The following CACNA1C variants were observed in gnomAD, a reference collection of about 807,000 sequenced individuals.
CACNA1C encodes voltage-dependent L-type calcium channel subunit alpha-1C.
In CACNA1C, 30 loss-of-function variants were observed where a neutral mutation model predicts 229.0. The observed-to-expected ratio is 0.13, with a 90% confidence interval of 0.10 to 0.18. The LOEUF is 0.18. Among genes scored for constraint, CACNA1C ranks in the 10% least tolerant of loss-of-function variants. The pLI is 1.00. For synonymous variants in CACNA1C, 1,114 were observed against 1,132.5 expected (o/e 0.98, Z 0.33); for missense variants, 1,658 against 2,845.0 (o/e 0.58, Z 9.49).
chr12:2,420,102 G>GTGTGTGTGTGTGTGT (rs1447860516), intron 3 of CACNA1C, among the ~76,000 whole-genome samples: 2 of 125,430 alleles, frequency 1.6e-5, no homozygotes, highest in East Asian at 4.6e-4. Flanking sequence ...TAGGCAAAAT[G>GTGTGTGTGTGTGTGT]GTGTGTGTGT....
At chr12:2,519,247 A>T (rs1053332881) in intron 9 of CACNA1C, among the ~76,000 whole-genome samples, 3 of 152,176 alleles carry the variant, frequency 2.0e-5, no homozygotes, top group Non-Finnish European at 4.4e-5. Flanking sequence ...CCATGACCTG[A>T]CACAGGCCAG....
At chr12:2,481,511 C>T (rs531697030) in intron 5 of CACNA1C, among the ~76,000 whole-genome samples, 2 of 152,234 alleles carry the variant, frequency 1.3e-5, no homozygotes, top group Non-Finnish European at 2.9e-5. Flanking sequence ...AAACTCCATC[C>T]TCCCCTTTTC....
chr12:2,156,034 A>G (rs1446418333), intron 3 of CACNA1C, among the ~76,000 whole-genome samples: 1 of 152,224 alleles, frequency 6.6e-6, no homozygotes, highest in Non-Finnish European at 1.5e-5. Context: ...ACAAGAGTGA[A>G]TCTGACAGAC....
At chr12:2,684,309 T>C (rs1489721634) in intron 43 of CACNA1C, among the ~76,000 whole-genome samples, 1 of 152,028 alleles carries the variant, frequency 6.6e-6, no homozygotes, top group Non-Finnish European at 1.5e-5. Flanking sequence ...ATCAGCAAAA[T>C]GGGACGGTGG....
chr12:2,587,339 A>G (rs889305102), intron 18 of CACNA1C, among the ~76,000 whole-genome samples: 1 of 152,244 alleles, frequency 6.6e-6, no homozygotes, highest in African/African-American at 2.4e-5. Context: ...AAGGTTTAAA[A>G]TGAAAGACAG....
chr12:2,664,691 A>G (rs2095976482), intron 34 of CACNA1C, 134 bp from the exon 35 acceptor site: 1 of 617,306 alleles, frequency 1.6e-6, no homozygotes, highest in Non-Finnish European at 2.7e-6. Context: ...GCATTCAGGG[A>G]ATGATGAACA....
At chr12:2,370,182 A>G (rs573708946) in intron 3 of CACNA1C, among the ~76,000 whole-genome samples, 1 of 152,362 alleles carries the variant, frequency 6.6e-6, no homozygotes, top group African/African-American at 2.4e-5. Flanking sequence ...TTTTCACTTA[A>G]TAAAGTAACA....
intron 29 of CACNA1C, among the ~76,000 whole-genome samples, chr12:2,623,340 C>T (rs764162958): frequency 9.9e-5 from 15 of 152,044 alleles, no homozygotes; most frequent in Non-Finnish European, 1.5e-4. Flanking sequence ...CCTGAGTGCC[C>T]CCACGAGCCT....
At chr12:2,241,406 GT>G (rs2070148325) in intron 3 of CACNA1C, among the ~76,000 whole-genome samples, 1 of 152,122 alleles carries the variant, frequency 6.6e-6, no homozygotes, top group African/African-American at 2.4e-5. Context: ...ATCATGCCAT[GT>G]TTTTTATGCC....
intron 30 of CACNA1C, among the ~76,000 whole-genome samples, chr12:2,642,976 C>A (rs1278408470): frequency 6.6e-6 from 1 of 152,244 alleles, no homozygotes; most frequent in Non-Finnish European, 1.5e-5. Flanking sequence ...AGCCAGCAAA[C>A]TGGTCACTGC....
rs2097796098 is a variant in CACNA1C, at chr12:2,692,171, G to A, written c.*972G>A. 6.6e-6 allele frequency: 1 copy of A among 152,160 alleles called. No homozygotes were observed. The highest frequency in any genetic ancestry group is 2.4e-5 in the African/African-American group (1 of 41,438). 9.4% of individuals were successfully genotyped at this position (152,160 alleles called of 1,614,324 possible). ...GAGAGTTTTACCAACCATTGTGTAT[G>A]CCCAATAATTTGTTATCATTTCCTT... On this transcript the variant is annotated 3_prime_UTR_variant, in exon 47 of 47. Coordinates refer to ENST00000399655, the MANE Select transcript of CACNA1C (RefSeq NM_000719.7).
At chr12:2,056,782 T>C (rs1009513970) in intron 1 of CACNA1C, among the ~76,000 whole-genome samples, 1 of 152,168 alleles carries the variant, frequency 6.6e-6, no homozygotes, top group East Asian at 1.9e-4. Flanking sequence ...ATTCCTACTA[T>C]TGGTCAGGCA....
intron 3 of CACNA1C, among the ~76,000 whole-genome samples, chr12:2,310,064 C>T (rs756693237): frequency 5.9e-5 from 9 of 152,124 alleles, no homozygotes; most frequent in Non-Finnish European, 1.3e-4. Context: ...CTGTCTGGTC[C>T]GCAGAGCTGC....
chr12:2,358,291 GTGTGTGTGTGTGTGTGTC>G (rs1423408651), intron 3 of CACNA1C, among the ~76,000 whole-genome samples: 4 of 128,812 alleles, frequency 3.1e-5, no homozygotes, highest in African/African-American at 6.9e-5. Context: ...GTGTGTGTGT[GTGTGTGTGTGTGTGTGTC>G]TCTTTGTCAT....
At chr12:2,193,947 C>G (rs574591387) in intron 3 of CACNA1C, among the ~76,000 whole-genome samples, 333 of 152,306 alleles carry the variant, frequency 2.2e-3, no homozygotes, top group African/African-American at 7.5e-3. Flanking sequence ...CCATCCTTGT[C>G]TCTGCACCCT....
intron 3 of CACNA1C, among the ~76,000 whole-genome samples, chr12:2,303,068 G>A (rs1057248624): frequency 5.3e-5 from 8 of 152,252 alleles, no homozygotes; most frequent in African/African-American, 1.7e-4. Context: ...GAAACCGGCC[G>A]TGGGAGCTTC....
chr12:2,549,845 A>T, intron 9 of CACNA1C, 98 bp from the exon 10 acceptor site: 1 of 839,594 alleles, frequency 1.2e-6, no homozygotes, highest in Non-Finnish European at 2.0e-6. Context: ...GCCAACCCGC[A>T]CTGGGTCTTG....
chr12:1,991,817 T>TA (rs1338884123), intron 1 of CACNA1C: 1 of 154,736 alleles, frequency 6.5e-6, no homozygotes. Context: ...TAGTAGTTAA[T>TA]ATGTGATCTA....
chr12:2,487,849 T>C (rs2154570867), intron 6 of CACNA1C, among the ~76,000 whole-genome samples: 1 of 152,326 alleles, frequency 6.6e-6, no homozygotes, highest in South Asian at 2.1e-4. Context: ...GATTTATAGC[T>C]AGCTCAGAAC....
Sources: allele counts gnomAD v4.1 joint callset (sites outside exome capture counted in the v4.1 genomes callset), GRCh38; gene constraint gnomAD v4.1.1; transcripts MANE v1.5; gene names NCBI Gene and HGNC (gene_info 2026-07-23, HGNC 2026-07-21).